The following C10orf143 variants were observed in gnomAD, a reference collection of about 807,000 sequenced individuals.
C10orf143 encodes the protein uncharacterized protein C10orf143.
intron 3 of C10orf143, among the ~76,000 whole-genome samples, chr10:130,071,178 C>T (rs1450418437): frequency 2.6e-5 from 4 of 152,160 alleles, no homozygotes; most frequent in Non-Finnish European, 5.9e-5. Context: ...CTCAGCCTCC[C>T]AAATACAACA....
At chr10:130,077,555 A>T (rs1861139146) in intron 3 of C10orf143, among the ~76,000 whole-genome samples, 1 of 152,258 alleles carries the variant, frequency 6.6e-6, no homozygotes, top group South Asian at 2.1e-4. Context: ...TACGGGCATC[A>T]TGGGAGAGTG....
chr10:130,098,829 G>A (rs1205496184), intron 1 of C10orf143, among the ~76,000 whole-genome samples: 2 of 152,216 alleles, frequency 1.3e-5, no homozygotes, highest in Non-Finnish European at 2.9e-5. Context: ...GCTCATGCCT[G>A]TAATCCTAGC....
chr10:130,093,345 A>C (rs534537487), intron 1 of C10orf143, among the ~76,000 whole-genome samples: 24 of 152,326 alleles, frequency 1.6e-4, no homozygotes, highest in African/African-American at 5.1e-4. Flanking sequence ...AGGCAGAAAT[A>C]AATAAGTTCT....
chr10:130,108,572 A>G (rs748526916), intron 1 of C10orf143: 51 of 584,048 alleles, frequency 8.7e-5, no homozygotes, highest in Non-Finnish European at 1.5e-4. Context: ...AATTCTTAGG[A>G]TAGTATTTTG....
downstream of C10orf143, among the ~76,000 whole-genome samples, chr10:130,062,037 C>G (rs1286418109): frequency 6.6e-6 from 1 of 152,172 alleles, no homozygotes; most frequent in Non-Finnish European, 1.5e-5. Context: ...CGGGCAGGAC[C>G]TCTGTTCACA....
intron 1 of C10orf143, among the ~76,000 whole-genome samples, chr10:130,109,576 T>C (rs1861724329): frequency 6.6e-6 from 1 of 152,156 alleles, no homozygotes; most frequent in South Asian, 2.1e-4. Flanking sequence ...TACTATACTA[T>C]TACTATACTA....
Position 130,099,844 on chromosome 10 carries a change from A to ATT in C10orf143, c.69+10858_69+10859dup, listed in dbSNP as rs1334180296. Among the ~76,000 whole-genome samples the ATT allele has an allele frequency of 4.2e-3, 403 of 94,920 alleles. 6 individuals are homozygous for ATT. Among genetic ancestry groups the ATT allele is most frequent in the African/African-American group, 0.016 (380 of 23,738 alleles). The allele number at this position is 94,920 out of a possible 152,430, so 62.3% of individuals were successfully genotyped here. A position where few individuals can be genotyped will look rare whatever the true frequency, so the allele number is the denominator to read the frequency against. On this transcript the variant is annotated intron_variant, in intron 1 of 3. Coordinates refer to ENST00000637128, the MANE Select transcript of C10orf143 (RefSeq NM_001355042.2). ...CCTAAATTTTTTTTATTTTTTCTTT[A>ATT]TTTTTTTTTTTTTAAGATGGACTCT...
intron 3 of C10orf143, among the ~76,000 whole-genome samples, chr10:130,047,452 A>C (rs1860689583): frequency 6.6e-6 from 1 of 152,148 alleles, no homozygotes; most frequent in Non-Finnish European, 1.5e-5. Context: ...CTTGGTAGGG[A>C]AGCCTCCAGA....
intron 3 of C10orf143, among the ~76,000 whole-genome samples, chr10:130,055,952 T>TAAAAAGAAAAAAAAAA (rs1860789450): frequency 1.5e-5 from 1 of 65,860 alleles, no homozygotes; most frequent in Non-Finnish European, 2.7e-5. Context: ...TCTCCAAAAG[T>TAAAAAGAAAAAAAAAA]AAAAAAAAAA....
At chr10:130,041,496 T>C (rs936628728) in intron 3 of C10orf143, among the ~76,000 whole-genome samples, 4 of 152,222 alleles carry the variant, frequency 2.6e-5, no homozygotes, top group Non-Finnish European at 4.4e-5. Context: ...TTTTCCAACA[T>C]CCTCACCAGC....
At chr10:130,088,583 A>G (rs559056558) in intron 1 of C10orf143, among the ~76,000 whole-genome samples, 1 of 152,294 alleles carries the variant, frequency 6.6e-6, no homozygotes, top group East Asian at 1.9e-4. Context: ...TGGGTAATTC[A>G]GTCCTTAGGT....
chr10:130,081,232 C>CT (rs1262579546), intron 1 of C10orf143, among the ~76,000 whole-genome samples: 7 of 150,580 alleles, frequency 4.6e-5, no homozygotes, highest in Admixed American at 2.7e-4. Context: ...CAACCAAGGA[C>CT]TTTTTTTTTA....
rs182564627 is a variant in C10orf143, at chr10:130,056,678, G to A, written c.298-20708C>T. ...GCTCTCTTGGCTCACTGCAAGCTCC[G>A]CCTCCTGGGTTCATGCCATTCTCCT... On this transcript the variant is annotated intron_variant and NMD_transcript_variant, in intron 3 of 5. Coordinates refer to the C10orf143 transcript ENST00000643056. This position sits in a 1 kb window ranked among gnomAD's most constrained non-coding sequence, Gnocchi z 4.6. Among the ~76,000 whole-genome samples, 333 of 151,254 alleles carry A rather than the reference G, an allele frequency of 2.2e-3. 1 individual carries two copies. Among genetic ancestry groups the A allele is most frequent in the African/African-American group, 7.5e-3 (309 of 41,136 alleles).
rs1284004556 is a variant in C10orf143, at chr10:130,056,028, T to C, written c.298-20058A>G. On this transcript the variant is annotated intron_variant and NMD_transcript_variant, in intron 3 of 5. Coordinates refer to the C10orf143 transcript ENST00000643056. This position sits in a 1 kb window ranked among gnomAD's most constrained non-coding sequence, Gnocchi z 4.6. Reference sequence around the variant, plus strand: ...ATCAGAAGAGTGATGAAATAGATCATTTTAACTGAAAAATGCATTGGTGGC... The same window carrying C: ...ATCAGAAGAGTGATGAAATAGATCACTTTAACTGAAAAATGCATTGGTGGC... Among the ~76,000 whole-genome samples, 6 of 150,616 alleles carry C rather than the reference T, an allele frequency of 4.0e-5. No homozygotes were observed. The highest frequency in any genetic ancestry group is 2.1e-4 in the South Asian group (1 of 4,758).
At chr10:130,094,599 G>T (rs1187384611) in intron 1 of C10orf143, among the ~76,000 whole-genome samples, 2 of 152,074 alleles carry the variant, frequency 1.3e-5, no homozygotes, top group African/African-American at 2.4e-5. Flanking sequence ...TGTAATCCAT[G>T]ACATAAGCAG....
intron 1 of C10orf143, among the ~76,000 whole-genome samples, chr10:130,094,441 C>T (rs999192859): frequency 1.3e-5 from 2 of 152,182 alleles, no homozygotes; most frequent in African/African-American, 4.8e-5. Flanking sequence ...AATTTCAGGT[C>T]AATATCCCTG....
chr10:130,089,568 T>C (rs1038484420), intron 1 of C10orf143, among the ~76,000 whole-genome samples: 1 of 152,160 alleles, frequency 6.6e-6, no homozygotes, highest in Non-Finnish European at 1.5e-5. Context: ...TCAGGCTAAG[T>C]GGAGAAATAA....
intron 3 of C10orf143, among the ~76,000 whole-genome samples, chr10:130,043,336 G>T (rs12412485): frequency 0.17 from 26,217 of 152,100 alleles, 2,950 homozygotes; most frequent in Non-Finnish European, 0.24. Flanking sequence ...AATTGGAAAG[G>T]TTATCAGCTG....
intron 3 of C10orf143, among the ~76,000 whole-genome samples, chr10:130,075,870 C>A (rs949561743): frequency 6.6e-6 from 1 of 152,120 alleles, no homozygotes. Flanking sequence ...CTGAGGCCTC[C>A]CAGCCATGCT....
Sources: gnomAD v4.1 joint callset for allele counts (sites outside exome capture counted in the v4.1 genomes callset) on GRCh38, gnomAD v4.1.1 for gene constraint, Gnocchi (gnomAD v3.1) non-coding constraint, MANE v1.5 for transcripts, NCBI Gene and HGNC (gene_info 2026-07-23, HGNC 2026-07-21) for gene names.